The following FERMT2 variants were observed in gnomAD, a reference collection of about 807,000 sequenced individuals.
FERMT2 encodes the protein fermitin family homolog 2.
Under a neutral mutation model 82.7 loss-of-function variants are expected in FERMT2, and 15 were observed. The ratio of observed to expected loss-of-function variants is 0.18; its 90% CI spans 0.12 to 0.28. FERMT2 has a LOEUF of 0.28. Among genes scored for constraint, FERMT2 ranks in the 10% least tolerant of loss-of-function variants. The pLI, the probability that FERMT2 is intolerant of heterozygous loss-of-function variation, is 1.00. For missense variants in FERMT2, 645 were observed against 809.4 expected (o/e 0.80, Z 2.46); for synonymous variants, 274 against 271.5 (o/e 1.01, Z -0.09).
intron 2 of FERMT2, among the ~76,000 whole-genome samples, chr14:52,923,983 T>C (rs887603105): frequency 3.3e-5 from 5 of 152,196 alleles, no homozygotes; most frequent in African/African-American, 9.7e-5. Context: ...GGCTTTTCAG[T>C]AGCATTCCTG....
At chr14:52,943,771 C>T (rs1441559970) in intron 2 of FERMT2, among the ~76,000 whole-genome samples, 1 of 152,150 alleles carries the variant, frequency 6.6e-6, no homozygotes, top group Non-Finnish European at 1.5e-5. Flanking sequence ...ATGAAGATTA[C>T]GCAGTGTTCA....
intron 4 of FERMT2, among the ~76,000 whole-genome samples, chr14:52,892,192 C>T (rs1239835469): frequency 3.4e-5 from 4 of 117,232 alleles, no homozygotes; most frequent in Non-Finnish European, 5.0e-5. Context: ...TTTTTTGAGA[C>T]GGAGTTGTCA....
intron 3 of FERMT2, among the ~76,000 whole-genome samples, chr14:52,904,783 G>A (rs1384049586): frequency 2.0e-5 from 3 of 146,532 alleles, no homozygotes; most frequent in Admixed American, 6.9e-5. Context: ...AAAGGCATAC[G>A]AGACAGGAAA....
intron 9 of FERMT2, chr14:52,873,795 C>CA (rs1378462922): frequency 1.3e-4 from 22 of 163,100 alleles, no homozygotes; most frequent in Admixed American, 2.6e-4. Flanking sequence ...AACAAATGAA[C>CA]AGAGTTCAAT....
chr14:52,875,696 A>G (rs1362624902), intron 7 of FERMT2, among the ~76,000 whole-genome samples: 2 of 152,072 alleles, frequency 1.3e-5, no homozygotes, highest in Non-Finnish European at 2.9e-5. Flanking sequence ...TGTGTCTATA[A>G]CAGGGCCTGT....
chr14:52,903,902 A>G (rs1887822139), intron 3 of FERMT2, among the ~76,000 whole-genome samples: 1 of 152,194 alleles, frequency 6.6e-6, no homozygotes, highest in Admixed American at 6.5e-5. Flanking sequence ...AGAGTGCAAG[A>G]GGATGTCTAG....
chr14:52,887,175 G>A (rs371346890), intron 4 of FERMT2, among the ~76,000 whole-genome samples: 9 of 148,714 alleles, frequency 6.1e-5, no homozygotes, highest in Non-Finnish European at 8.9e-5. Context: ...TCGCTCTGTC[G>A]CCCAGGCTGG....
intron 6 of FERMT2, among the ~76,000 whole-genome samples, chr14:52,879,851 T>G (rs1414849488): frequency 2.0e-5 from 3 of 152,278 alleles, no homozygotes; most frequent in East Asian, 3.9e-4. Context: ...TCCAGATATT[T>G]ATGGTAAAGT....
At chr14:52,869,557 T>C (rs1243503057) in intron 10 of FERMT2, among the ~76,000 whole-genome samples, 1 of 152,162 alleles carries the variant, frequency 6.6e-6, no homozygotes, top group African/African-American at 2.4e-5. Flanking sequence ...TGTAGCTGTA[T>C]CATAGCTCAC....
At position 52,891,227 on chromosome 14, in the gene FERMT2, G is replaced by A. The variant is rs1886919182; in HGVS notation, c.526+2066C>T. On this transcript the variant is annotated intron_variant, in intron 4 of 14. Transcript: ENST00000341590. ...GTTCTTTGTTAGTATCATTCTTTCT[G>A]CTTGGACTGCCTTTTCCCATCAAAA... Among the ~76,000 whole-genome samples the A allele has an allele frequency of 2.6e-5, 4 of 151,906 alleles. No individual in the cohort carries two copies. The South Asian group carries it at 8.3e-4, about 32-fold the overall frequency.
At chr14:52,926,703 T>C (rs1405629752) in intron 2 of FERMT2, among the ~76,000 whole-genome samples, 1 of 152,002 alleles carries the variant, frequency 6.6e-6, no homozygotes, top group Non-Finnish European at 1.5e-5. Context: ...TCAAAAAGGC[T>C]CGGGGGTGGG....
chr14:52,914,078 A>C (rs762314065), intron 3 of FERMT2, among the ~76,000 whole-genome samples: 3 of 152,056 alleles, frequency 2.0e-5, no homozygotes, highest in Non-Finnish European at 4.4e-5. Flanking sequence ...AAAACAAAAA[A>C]CAGGCTAGAT....
At chr14:52,936,962 C>T (rs1889864499) in intron 2 of FERMT2, among the ~76,000 whole-genome samples, 1 of 151,848 alleles carries the variant, frequency 6.6e-6, no homozygotes, top group Non-Finnish European at 1.5e-5. Flanking sequence ...GGAGACCAGC[C>T]TGGCCAACAT....
At chr14:52,875,472 G>A (rs971861216) in intron 7 of FERMT2, 115 bp from the exon 8 acceptor site, 4 of 702,070 alleles carry the variant, frequency 5.7e-6, no homozygotes, top group Non-Finnish European at 9.1e-6. Flanking sequence ...AAAGACAGAA[G>A]CGTCTAGGAA....
intron 10 of FERMT2, among the ~76,000 whole-genome samples, chr14:52,869,511 A>C (rs1362345098): frequency 6.6e-6 from 1 of 152,172 alleles, no homozygotes; most frequent in Admixed American, 6.5e-5. Flanking sequence ...CCCTCATAAG[A>C]CTATAATGGA....
rs1021614454 is a variant in FERMT2 at position 52,857,338 on chromosome 14, T to C, written c.*1039A>G. On this transcript the variant is annotated 3_prime_UTR_variant, in exon 15 of 15. Transcript: ENST00000341590. The stretch of plus-strand genomic sequence containing the variant: ...TATACAGTCTTTGAACCATGGATTA[T>C]TGAACAATACTGGTAATCCACCTCT... 6.6e-6 allele frequency: 1 copy of C among 152,668 alleles called. No homozygotes were observed. Among genetic ancestry groups the C allele is most frequent in the Non-Finnish European group, 1.5e-5 (1 of 68,052 alleles). 9.5% of individuals were successfully genotyped at this position (152,668 alleles called of 1,614,324 possible).
intron 12 of FERMT2, chr14:52,861,887 C>T (rs1335854352): frequency 2.6e-5 from 4 of 152,096 alleles, no homozygotes; most frequent in Non-Finnish European, 5.9e-5. Context: ...GAAGAATGTC[C>T]TTGTGGCCTG....
Position 52,893,339 on chromosome 14 carries a change from T to C in FERMT2, c.480A>G (p.Glu160=). The stretch of plus-strand genomic sequence containing the variant: ...GCCCCTCTAATTCAAGTGCCTCATC[T>C]TCAGACTGGTCATCTAGCTTCTTCT... The part of the protein sequence containing the change: ...KKKKKLDDQS[E]DEALELEGPL... Residue 160 remains glutamate (E), a synonymous_variant, in exon 4 of 15, where the codon GAA becomes GAG. Transcript: ENST00000341590. 1 of 1,613,068 alleles carries C rather than the reference T, an allele frequency of 6.2e-7. No individual in the cohort carries two copies. The highest frequency in any genetic ancestry group is 8.5e-7 in the Non-Finnish European group (1 of 1,179,680).
intron 3 of FERMT2, among the ~76,000 whole-genome samples, chr14:52,914,105 G>A (rs1888479560): frequency 6.6e-6 from 1 of 152,078 alleles, no homozygotes; most frequent in African/African-American, 2.4e-5. Flanking sequence ...GCTGCTGCCT[G>A]TAATCCTACT....
Sources: allele counts gnomAD v4.1 joint callset (sites outside exome capture counted in the v4.1 genomes callset), GRCh38; gene constraint gnomAD v4.1.1; transcripts MANE v1.5; gene names NCBI Gene and HGNC (gene_info 2026-07-23, HGNC 2026-07-21).